Variants in POLR3B observed in about 807,000 individuals in gnomAD.
POLR3B encodes DNA-directed RNA polymerase III subunit RPC2.
Under a neutral mutation model 147.4 loss-of-function variants are expected in POLR3B, and 96 were observed. The observed-to-expected ratio is 0.65, with a 90% CI of 0.55 to 0.77. The LOEUF is 0.77. Among genes scored for constraint, POLR3B ranks in the 30% least tolerant of loss-of-function variants. The pLI is 0.00. For synonymous variants in POLR3B, 461 were observed against 485.9 expected, an observed-to-expected ratio of 0.95 and a Z score of 0.67; for missense variants, 1,036 against 1,413.5, an observed-to-expected ratio of 0.73 and a Z score of 4.28.
chr12:106,460,350 G>C (rs977566025), intron 22 of POLR3B, among the ~76,000 whole-genome samples: 3 of 152,182 alleles, frequency 2.0e-5, no homozygotes, highest in Non-Finnish European at 2.9e-5. Flanking sequence ...CAGCATCCCA[G>C]GAGCTATGTT....
At chr12:106,472,514 T>G (rs1051663722) in intron 23 of POLR3B, among the ~76,000 whole-genome samples, 2 of 150,704 alleles carry the variant, frequency 1.3e-5, no homozygotes, top group African/African-American at 4.9e-5. Flanking sequence ...TCACATCCTC[T>G]CCAGCACCTG....
chr12:106,454,811 T>G (rs1488001751), intron 20 of POLR3B, 100 bp downstream of exon 20: 2 of 736,600 alleles, frequency 2.7e-6, no homozygotes, highest in African/African-American at 3.5e-5. Context: ...AGTTTTAAGT[T>G]ATTTGAATTT....
chr12:106,428,843 C>T (rs186442861), intron 13 of POLR3B, among the ~76,000 whole-genome samples: 21 of 152,224 alleles, frequency 1.4e-4, no homozygotes, highest in Admixed American at 1.2e-3. Flanking sequence ...ACTCAAGGTT[C>T]CAAAGTGATC....
intron 12 of POLR3B, among the ~76,000 whole-genome samples, chr12:106,425,346 C>T (rs1047707627): frequency 8.5e-5 from 13 of 152,164 alleles, no homozygotes; most frequent in African/African-American, 2.9e-4. Context: ...GCACCTTTTC[C>T]TGGAATCAGA....
chr12:106,457,756 T>C (rs181714261), intron 21 of POLR3B, among the ~76,000 whole-genome samples: 2 of 152,326 alleles, frequency 1.3e-5, no homozygotes, highest in East Asian at 3.9e-4. Flanking sequence ...AGACTGACAT[T>C]GATCAGAGGA....
chr12:106,370,631 G>GTT (rs1208633414), intron 6 of POLR3B, among the ~76,000 whole-genome samples: 55 of 126,546 alleles, frequency 4.3e-4, no homozygotes, highest in African/African-American at 6.9e-4. Flanking sequence ...TTGTTTTATT[G>GTT]TTTTTTTTTT....
intron 23 of POLR3B, among the ~76,000 whole-genome samples, chr12:106,465,084 A>G (rs1232099388): frequency 6.6e-6 from 1 of 152,164 alleles, no homozygotes; most frequent in East Asian, 1.9e-4. Flanking sequence ...CTAATGTTTT[A>G]TATGGCTTGC....
chr12:106,379,241 T>TA (rs1204433676), intron 8 of POLR3B, among the ~76,000 whole-genome samples: 1 of 152,232 alleles, frequency 6.6e-6, no homozygotes, highest in Non-Finnish European at 1.5e-5. Flanking sequence ...TGAACCCAGA[T>TA]ACGGTTAATT....
At chr12:106,370,777 G>A (rs889268762) in intron 6 of POLR3B, among the ~76,000 whole-genome samples, 2 of 151,866 alleles carry the variant, frequency 1.3e-5, no homozygotes, top group Non-Finnish European at 2.9e-5. Context: ...GATTATAGGC[G>A]TGTGCCACCA....
At chr12:106,405,825 A>T in intron 10 of POLR3B, 32 bp from the exon 11 acceptor site, 1 of 1,608,116 alleles carries the variant, frequency 6.2e-7, no homozygotes, top group South Asian at 1.1e-5. Context: ...CAGTGATGTC[A>T]TTCAAACATT....
In POLR3B at chr12:106,429,962, T is replaced by C. The variant is rs2137001600; in HGVS notation, c.1264-311T>C. 1.3e-5 allele frequency among the ~76,000 whole-genome samples: 2 copies of C among 152,346 alleles called. 1 individual carries two copies. The highest frequency in any genetic ancestry group is 2.9e-5 in the Non-Finnish European group (2 of 68,038). On this transcript the variant is annotated intron_variant, in intron 13 of 27. Coordinates refer to ENST00000228347, the MANE Select transcript of POLR3B (RefSeq NM_018082.6). ...GCTTATGACTTCCCATGGAAATCTC[T>C]GGTTGAACTGGCTCTTCATTATAGA... is the stretch of plus-strand genomic sequence containing the variant.
chr12:106,447,618 T>G (rs1156284443), intron 19 of POLR3B, among the ~76,000 whole-genome samples: 1 of 152,178 alleles, frequency 6.6e-6, no homozygotes, highest in Non-Finnish European at 1.5e-5. Context: ...TTTTGTGTCC[T>G]CTCATCGGCA....
At chr12:106,436,560 A>G (rs184456823) in intron 16 of POLR3B, among the ~76,000 whole-genome samples, 1 of 152,232 alleles carries the variant, frequency 6.6e-6, no homozygotes, top group African/African-American at 2.4e-5. Context: ...CTGGATATTC[A>G]TCAGAACCTC....
intron 26 of POLR3B, 47 bp downstream of exon 26, chr12:106,501,483 C>T (rs1313551688): frequency 9.0e-7 from 1 of 1,113,468 alleles, no homozygotes; most frequent in South Asian, 1.3e-5. Context: ...CAGTCAAGTC[C>T]ACCTTGTATT....
chr12:106,391,083 G>A (rs1484207576), intron 9 of POLR3B, among the ~76,000 whole-genome samples: 3 of 152,092 alleles, frequency 2.0e-5, no homozygotes, highest in Non-Finnish European at 2.9e-5. Flanking sequence ...AATCAGCCAG[G>A]GCTGCAGTTA....
chr12:106,414,680 G>A (rs2037277732), intron 12 of POLR3B, among the ~76,000 whole-genome samples: 1 of 152,118 alleles, frequency 6.6e-6, no homozygotes, highest in African/African-American at 2.4e-5. Context: ...TAGTCATATT[G>A]TAGTAACCAG....
intron 23 of POLR3B, among the ~76,000 whole-genome samples, chr12:106,467,207 T>A (rs543113790): frequency 2.7e-4 from 41 of 152,304 alleles, no homozygotes; most frequent in Middle Eastern, 3.4e-3. Flanking sequence ...TTATTCTCTT[T>A]GAAGCAATTG....
intron 23 of POLR3B, among the ~76,000 whole-genome samples, chr12:106,479,804 CTTTT>C (rs2038240542): frequency 1.4e-5 from 2 of 145,514 alleles, no homozygotes; most frequent in Admixed American, 6.9e-5. Context: ...TCCTTCTTTT[CTTTT>C]CTTTTCTTTT....
chr12:106,426,222 T>TTGTGTGTGTGTGTG lies in POLR3B; in HGVS notation c.1102-943_1102-930dup, dbSNP rs35090518. ...AAATTGTAAGGGCAGGGCCTGCAAT[T>TTGTGTGTGTGTGTG]TGTGTGTGTGTGTGTGTGTGTGTGT... is the stretch of plus-strand genomic sequence containing the variant. On this transcript the variant is annotated intron_variant, in intron 12 of 27. Coordinates refer to ENST00000228347, the MANE Select transcript of POLR3B (RefSeq NM_018082.6). Among the ~76,000 whole-genome samples the TTGTGTGTGTGTGTG allele has an allele frequency of 2.7e-3, 352 of 131,214 alleles. 3 individuals carry two copies. The highest frequency in any genetic ancestry group is 6.0e-3 in the African/African-American group (204 of 33,736). 86.1% of individuals were successfully genotyped at this position (131,214 alleles called of 152,430 possible). A position where few individuals can be genotyped will look rare whatever the true frequency, so the allele number is the denominator to read the frequency against.
Sources: gnomAD v4.1 joint callset for allele counts (sites outside exome capture counted in the v4.1 genomes callset) on GRCh38, gnomAD v4.1.1 for gene constraint, MANE v1.5 for transcripts, NCBI Gene and HGNC (gene_info 2026-07-23, HGNC 2026-07-21) for gene names.